ADPGK: variants seen among roughly 807,000 people sequenced by gnomAD.
The protein encoded by ADPGK is ADP-dependent glucokinase.
ADPGK carries 26 observed loss-of-function variants against 42.4 expected under a neutral mutation model. The observed-to-expected ratio is 0.61, with a 90% CI of 0.45 to 0.85. The LOEUF (loss-of-function observed/expected upper bound fraction) is 0.85, where lower values mean the gene tolerates loss of function less well. Among genes scored for constraint, ADPGK ranks in the 40% least tolerant of loss-of-function variants. The pLI is 0.00. For synonymous variants in ADPGK, 267 were observed against 252.6 expected (o/e 1.06, Z -0.54); for missense variants, 571 against 627.0 (o/e 0.91, Z 0.95).
At chr15:72,774,777 A>G in intron 2 of ADPGK, 95 bp downstream of exon 2, 1 of 1,194,814 alleles carries the variant, frequency 8.4e-7, no homozygotes, top group South Asian at 1.5e-5. Context: ...CCTCCTCTTC[A>G]AACTGGAATG....
chr15:72,762,870 G>A (rs1372615058), intron 3 of ADPGK, among the ~76,000 whole-genome samples: 2 of 152,118 alleles, frequency 1.3e-5, no homozygotes, highest in African/African-American at 4.8e-5. Context: ...TGTAATCCCA[G>A]CTACTCAGGA....
intron 1 of ADPGK, chr15:72,783,204 G>C (rs951095823): frequency 4.7e-5 from 57 of 1,221,484 alleles, no homozygotes; most frequent in Non-Finnish European, 5.7e-5. Flanking sequence ...AAAGGTGTCA[G>C]ACAAAGCGGG....
chr15:72,762,098 G>A (rs1044402133), intron 3 of ADPGK, among the ~76,000 whole-genome samples: 5 of 152,158 alleles, frequency 3.3e-5, no homozygotes, highest in Admixed American at 6.5e-5. Context: ...TCTCAATCTC[G>A]TGACCTCGTG....
chr15:72,755,537 G>A lies in ADPGK; in HGVS notation c.939+19C>T, dbSNP rs776928326. 7.5e-6 allele frequency: 12 copies of A among 1,593,028 alleles called. No homozygotes were observed. The highest frequency in any genetic ancestry group is 2.7e-5 in the African/African-American group (2 of 74,378). ...GGCTCTATGAGGATCAGGGCCAAAC[G>A]ATGGTCCCATGAGGTTACCTGATGG... On this transcript the variant is annotated intron_variant, in intron 6 of 6. Transcript: ENST00000456471.
chr15:72,779,712 C>T lies in ADPGK; in HGVS notation c.233+3747G>A, dbSNP rs2066433577. Among the ~76,000 whole-genome samples the T allele has an allele frequency of 3.3e-5, 5 of 152,292 alleles. No individual in the cohort carries two copies. The South Asian group carries it at 1.0e-3, about 32-fold the overall frequency. On this transcript the variant is annotated intron_variant, in intron 1 of 6. Coordinates refer to ENST00000456471, the MANE Select transcript of ADPGK (RefSeq NM_001365225.1). ...AGGGCTAGTGCCTCCCAGAATTCCACCTTTACCATTTTTACCTTCTCCTCT... is the reference window on the plus strand; with the variant it reads ...AGGGCTAGTGCCTCCCAGAATTCCATCTTTACCATTTTTACCTTCTCCTCT...
At chr15:72,760,832 G>A (rs149495453) in intron 3 of ADPGK, among the ~76,000 whole-genome samples, 2 of 152,204 alleles carry the variant, frequency 1.3e-5, no homozygotes, top group East Asian at 1.9e-4. Context: ...CGGACTGCAC[G>A]TTTGTGTCAC....
intron 2 of ADPGK, among the ~76,000 whole-genome samples, chr15:72,772,149 G>C (rs1014916947): frequency 6.6e-6 from 1 of 152,146 alleles, no homozygotes; most frequent in Non-Finnish European, 1.5e-5. Context: ...GTGTGGACAG[G>C]GCTTATCGTC....
At chr15:72,756,078 G>T (rs1419463436) in intron 5 of ADPGK, 173 bp downstream of exon 5, 2 of 763,516 alleles carry the variant, frequency 2.6e-6, no homozygotes, top group South Asian at 2.9e-5. Context: ...GCCCACATCT[G>T]AAGGGATACA....
chr15:72,758,077 C>G, intron 4 of ADPGK: 2 of 1,612,224 alleles, frequency 1.2e-6, no homozygotes, highest in Non-Finnish European at 1.7e-6. Context: ...CCAAGAGTCT[C>G]TTCCTCTGGA....
intron 1 of ADPGK, among the ~76,000 whole-genome samples, chr15:72,777,228 C>T (rs1004130006): frequency 6.6e-5 from 10 of 152,238 alleles, no homozygotes; most frequent in Admixed American, 2.0e-4. Flanking sequence ...AGCTCTCAGA[C>T]GCCAGTAGGT....
intron 3 of ADPGK, among the ~76,000 whole-genome samples, chr15:72,769,751 G>C (rs1209775063): frequency 6.6e-6 from 1 of 152,144 alleles, no homozygotes; most frequent in Non-Finnish European, 1.5e-5. Context: ...TGGCTATTAG[G>C]AGAATGGATT....
chr15:72,764,350 A>G (rs1399422223), intron 3 of ADPGK, among the ~76,000 whole-genome samples: 1 of 152,224 alleles, frequency 6.6e-6, no homozygotes, highest in African/African-American at 2.4e-5. Flanking sequence ...TATTGCTGAT[A>G]TGGAGAAAGT....
chr15:72,756,539 T>A, intron 4 of ADPGK, 92 bp from the exon 5 acceptor site: 1 of 1,390,950 alleles, frequency 7.2e-7, no homozygotes, highest in Non-Finnish European at 9.8e-7. Flanking sequence ...CACAGGAGCC[T>A]TGGCTCCAAG....
intron 1 of ADPGK, chr15:72,782,691 G>A (rs2066478928): frequency 6.6e-6 from 1 of 152,140 alleles, no homozygotes; most frequent in South Asian, 2.1e-4. Flanking sequence ...AAAGTAGTGA[G>A]CTACATGGTA....
In ADPGK at chr15:72,783,611, C is replaced by T. The variant is rs1367799086; in HGVS notation, c.81G>A (p.Leu27=). ...VGCVFLLEPE[L]PGSALRSLWS... is the part of the protein sequence containing the mutation. ...AGAGAGAGCGCAGCGCCGAGCCTGG[C>T]AGCTCTGGCTCCAGCAGGAAGACGC... Residue 27 remains leucine, a synonymous_variant, in exon 1 of 7, where the codon CTG becomes CTA. Coordinates refer to ENST00000456471, the MANE Select transcript of ADPGK (RefSeq NM_001365225.1). The T allele has an allele frequency of 6.6e-7, 1 of 1,516,186 alleles. No individual in the cohort carries two copies. Among genetic ancestry groups the T allele is most frequent in the Non-Finnish European group, 8.8e-7 (1 of 1,140,072 alleles). The allele number at this position is 1,516,186 out of a possible 1,614,324, so 93.9% of individuals were successfully genotyped here. A position where few individuals can be genotyped will look rare whatever the true frequency, so the allele number is the denominator to read the frequency against.
Position 72,752,297 on chromosome 15 carries a change from T to C in ADPGK, c.*44A>G. The C allele has an allele frequency of 6.5e-7, 1 of 1,536,196 alleles. No individual in the cohort carries two copies. Among genetic ancestry groups the C allele is most frequent in the Non-Finnish European group, 8.8e-7 (1 of 1,138,944 alleles). ...CACTTTCTTCCTGTAATTCTTAAGTTGGCTAGTTCTCCTTCCTCAGAAAAA... is the reference window on the plus strand; with the variant it reads ...CACTTTCTTCCTGTAATTCTTAAGTCGGCTAGTTCTCCTTCCTCAGAAAAA... On this transcript the variant is annotated 3_prime_UTR_variant, in exon 7 of 7. Transcript: ENST00000456471.
intron 6 of ADPGK, 61 bp from the exon 7 acceptor site, chr15:72,752,956 A>T: frequency 6.7e-7 from 1 of 1,490,030 alleles, no homozygotes; most frequent in Non-Finnish European, 9.0e-7. Context: ...AAGATGTCTT[A>T]TGACACAGCC....
intron 3 of ADPGK, among the ~76,000 whole-genome samples, chr15:72,762,675 G>A (rs2066209514): frequency 6.6e-6 from 1 of 152,082 alleles, no homozygotes; most frequent in African/African-American, 2.4e-5. Context: ...AATAAAGGAC[G>A]ATCCCTAAAA....
At chr15:72,772,351 C>G (rs772359069) in intron 2 of ADPGK, among the ~76,000 whole-genome samples, 5 of 152,228 alleles carry the variant, frequency 3.3e-5, no homozygotes, top group Admixed American at 1.3e-4. Context: ...TCCAAGTCAG[C>G]CTTCCCCTGT....
Sources: allele counts gnomAD v4.1 joint callset (sites outside exome capture counted in the v4.1 genomes callset), GRCh38; gene constraint gnomAD v4.1.1; transcripts MANE v1.5; gene names NCBI Gene and HGNC (gene_info 2026-07-23, HGNC 2026-07-21).